The following CEP43 variants were observed in gnomAD, a reference collection of about 807,000 sequenced individuals.
CEP43 encodes the protein FGFR1 oncogene partner.
A neutral mutation model predicts 52.6 loss-of-function variants in CEP43; 36 were observed. That is an observed-to-expected ratio of 0.68 (90% CI 0.52 to 0.90). The LOEUF (loss-of-function observed/expected upper bound fraction) is 0.90. Ranked by LOEUF, CEP43 falls within the 40% of genes least tolerant of loss-of-function variation. The pLI is 0.00. For synonymous variants in CEP43, 192 were observed against 172.4 expected (o/e 1.11, Z -0.89); for missense variants, 506 against 472.8 (o/e 1.07, Z -0.65).
chr6:167,014,218 C>T (rs780650656), intron 7 of CEP43, among the ~76,000 whole-genome samples: 11 of 152,176 alleles, frequency 7.2e-5, no homozygotes, highest in Middle Eastern at 3.4e-3. Flanking sequence ...TTTTTGAATA[C>T]GTACCTATTG....
chr6:167,006,294 A>C (rs1171182050), intron 5 of CEP43, among the ~76,000 whole-genome samples: 2 of 152,204 alleles, frequency 1.3e-5, no homozygotes, highest in Non-Finnish European at 2.9e-5. Context: ...AGGTGGGCGA[A>C]TCATGAAGTC....
At chr6:167,036,760 T>C (rs897437045) in intron 12 of CEP43, 2 of 985,096 alleles carry the variant, frequency 2.0e-6, no homozygotes, top group South Asian at 9.4e-5. Flanking sequence ...TGAGTTCTTA[T>C]TCTAAAACTA....
At chr6:167,030,319 C>T (rs1170919996) in intron 10 of CEP43, among the ~76,000 whole-genome samples, 1 of 152,232 alleles carries the variant, frequency 6.6e-6, no homozygotes, top group Non-Finnish European at 1.5e-5. Context: ...TCCTTGGAGG[C>T]TGACATTTTA....
chr6:167,044,084 C>T lies in CEP43; in HGVS notation c.*4106C>T, dbSNP rs1328300279. On this transcript the variant is annotated 3_prime_UTR_variant, in exon 13 of 13. Transcript: ENST00000366847. ...AGGTGTTGCCTATGAGGAAACAGGC[C>T]CTCCCAGATGGTGAACCTGCCGGTA... 1 of 152,088 alleles carries T rather than the reference C, an allele frequency of 6.6e-6. No homozygotes were observed. The highest frequency in any genetic ancestry group is 6.5e-5 in the Admixed American group (1 of 15,270). 9.4% of individuals were successfully genotyped at this position (152,088 alleles called of 1,614,324 possible).
At chr6:167,039,796 T>A (rs1188452386) in intron 12 of CEP43, 108 bp from the exon 13 acceptor site, 10 of 1,127,184 alleles carry the variant, frequency 8.9e-6, no homozygotes, top group African/African-American at 1.6e-5. Context: ...ATTATGGCCA[T>A]TCTTGCAGGA....
At position 167,026,639 on chromosome 6, in the gene CEP43, G is replaced by A. The variant is rs780618516; in HGVS notation, c.988+24G>A. 13 of 1,472,216 alleles carry A rather than the reference G, an allele frequency of 8.8e-6. No individual in the cohort carries two copies. The Admixed American group carries it at 1.5e-4, about 17-fold the overall frequency. 91.2% of individuals were successfully genotyped at this position (1,472,216 alleles called of 1,614,324 possible). A position where few individuals can be genotyped will look rare whatever the true frequency, so the allele number is the denominator to read the frequency against. On this transcript the variant is annotated intron_variant, in intron 10 of 12. Transcript: ENST00000366847. ...AGGTAATTAGATTTCTAGTTTTTGT[G>A]CTGATCGTTTTAAAGTGATTATTTT...
intron 5 of CEP43, among the ~76,000 whole-genome samples, chr6:167,008,113 A>G (rs1583270807): frequency 7.2e-6 from 1 of 139,750 alleles, no homozygotes; most frequent in African/African-American, 2.6e-5. Context: ...CTGTCTTTCT[A>G]GCCTTATGTG....
intron 5 of CEP43, among the ~76,000 whole-genome samples, chr6:167,006,639 A>G (rs1779860583): frequency 6.6e-6 from 1 of 152,272 alleles, no homozygotes; most frequent in South Asian, 2.1e-4. Context: ...TACATAAGTT[A>G]TATGCAAATA....
At chr6:167,002,742 A>G (rs1052221921) in intron 2 of CEP43, among the ~76,000 whole-genome samples, 1 of 152,252 alleles carries the variant, frequency 6.6e-6, no homozygotes, top group Non-Finnish European at 1.5e-5. Flanking sequence ...GTATAATTAC[A>G]AAAATAAGTT....
chr6:167,030,306 G>A (rs1404374786), intron 10 of CEP43, among the ~76,000 whole-genome samples: 1 of 152,172 alleles, frequency 6.6e-6, no homozygotes, highest in African/African-American at 2.4e-5. Flanking sequence ...ACACTACAAT[G>A]GGTCCTTGGA....
intron 10 of CEP43, 70 bp from the exon 11 acceptor site, chr6:167,032,533 A>C (rs1216867537): frequency 5.8e-6 from 8 of 1,385,364 alleles, no homozygotes; most frequent in Non-Finnish European, 7.8e-6. Context: ...TTTTTAAGGA[A>C]ATGTGTGTTT....
At chr6:167,016,224 T>C (rs1250036897) in intron 7 of CEP43, among the ~76,000 whole-genome samples, 1 of 152,234 alleles carries the variant, frequency 6.6e-6, no homozygotes, top group African/African-American at 2.4e-5. Context: ...AAATGTAATA[T>C]GAAAGATCAT....
intron 6 of CEP43, 65 bp downstream of exon 6, chr6:167,010,958 T>G: frequency 1.2e-6 from 1 of 863,076 alleles, no homozygotes; most frequent in Non-Finnish European, 1.8e-6. Flanking sequence ...TGCTTTTCTC[T>G]CTCTAGTCTT....
At position 167,049,812 on chromosome 6, in the gene CEP43, A is replaced by G. The variant is rs1166513486; in HGVS notation, c.*9834A>G. On this transcript the variant is annotated 3_prime_UTR_variant, in exon 13 of 13. Transcript: ENST00000366847. ...AATTGTTTTCCAAAGCAGCTGCACC[A>G]TTTTATATCCCTACCAGCAATGCAT... The G allele has an allele frequency of 2.6e-5, 4 of 152,218 alleles. No individual in the cohort carries two copies. The highest frequency in any genetic ancestry group is 1.9e-4 in the East Asian group (1 of 5,200). The allele number at this position is 152,218 out of a possible 1,614,324, so 9.4% of individuals were successfully genotyped here. A position where few individuals can be genotyped will look rare whatever the true frequency, so the allele number is the denominator to read the frequency against.
intron 10 of CEP43, among the ~76,000 whole-genome samples, chr6:167,027,147 T>C (rs1200563206): frequency 2.0e-5 from 3 of 152,206 alleles, no homozygotes; most frequent in Non-Finnish European, 2.9e-5. Context: ...AACAGACTTA[T>C]TGAAAGAAAA....
intron 7 of CEP43, among the ~76,000 whole-genome samples, chr6:167,018,394 T>C (rs111800395): frequency 0.024 from 3,597 of 152,182 alleles, 128 homozygotes; most frequent in African/African-American, 0.08. Context: ...TGTGTGTGTG[T>C]GTGTATTTTT....
At position 167,003,744 on chromosome 6, in the gene CEP43, T is replaced by C. The variant is rs1003518187; in HGVS notation, c.233T>C (p.Val78Ala). 1 of 1,611,516 alleles carries C rather than the reference T, an allele frequency of 6.2e-7. No homozygotes were observed. The highest frequency in any genetic ancestry group is 8.5e-7 in the Non-Finnish European group (1 of 1,178,466). Residue 78 changes from valine (V) to alanine (A), a missense_variant, in exon 4 of 13, where the codon GTT becomes GCT. Coordinates refer to ENST00000366847, the MANE Select transcript of CEP43 (RefSeq NM_007045.4). ...TKDGRLVASLVAEFLQFFNLD... is the reference protein window; with the variant it reads ...TKDGRLVASLAAEFLQFFNLD... ...ATAGGTCGTTTAGTGGCTAGTCTTGTTGCAGAATTTCTTCAGTTTTTTAAC... is the reference window on the plus strand; with the variant it reads ...ATAGGTCGTTTAGTGGCTAGTCTTGCTGCAGAATTTCTTCAGTTTTTTAAC...
chr6:167,030,958 C>T (rs1411399735), intron 10 of CEP43, among the ~76,000 whole-genome samples: 1 of 152,060 alleles, frequency 6.6e-6, no homozygotes, highest in Non-Finnish European at 1.5e-5. Context: ...CCCTTCTGAT[C>T]GCCACTCCTT....
chr6:167,031,393 G>A (rs953204649), intron 10 of CEP43, among the ~76,000 whole-genome samples: 4 of 152,204 alleles, frequency 2.6e-5, no homozygotes, highest in Non-Finnish European at 5.9e-5. Context: ...TTGTTCCACT[G>A]TTCCTCTTCA....
Sources: allele counts gnomAD v4.1 joint callset (sites outside exome capture counted in the v4.1 genomes callset), GRCh38; gene constraint gnomAD v4.1.1; transcripts MANE v1.5; gene names NCBI Gene and HGNC (gene_info 2026-07-23, HGNC 2026-07-21).